MACROD2: variants seen among roughly 807,000 people sequenced by gnomAD.
MACROD2 encodes the protein mono-ADP ribosylhydrolase 2.
Under a neutral mutation model 70.4 loss-of-function variants are expected in MACROD2, and 36 were observed. That is an observed-to-expected ratio of 0.51 (90% CI 0.39 to 0.68). The LOEUF (loss-of-function observed/expected upper bound fraction) is 0.68. MACROD2 is among the 30% of genes least tolerant of loss of function. The pLI is 0.00. For synonymous variants in MACROD2, 172 were observed against 178.8 expected (o/e 0.96, Z 0.30); for missense variants, 496 against 538.4 (o/e 0.92, Z 0.78).
At chr20:14,885,065 T>C (rs1223359027) in intron 5 of MACROD2, among the ~76,000 whole-genome samples, 1 of 152,190 alleles carries the variant, frequency 6.6e-6, no homozygotes, top group Admixed American at 6.5e-5. Flanking sequence ...CAAAGCAAAC[T>C]TCTAAACTGA....
At position 15,780,653 on chromosome 20, in the gene MACROD2, G is replaced by T. The variant is rs533204210; in HGVS notation, c.646-82092G>T. ...CATTCTAACTATTGTTTGATGAATG[G>T]TGGTTGCTATAGGGCAAGGGGCAAA... is the stretch of plus-strand genomic sequence containing the variant. On this transcript the variant is annotated intron_variant, in intron 8 of 17. Coordinates refer to ENST00000684519, the MANE Select transcript of MACROD2 (RefSeq NM_001351661.2). Among the ~76,000 whole-genome samples the T allele has an allele frequency of 1.1e-4, 16 of 152,174 alleles. 1 individual carries two copies. Among genetic ancestry groups the T allele is most frequent in the Middle Eastern group, 3.4e-3 (1 of 294 alleles).
At chr20:14,168,754 C>T (rs1349677344) in intron 3 of MACROD2, among the ~76,000 whole-genome samples, 1 of 152,156 alleles carries the variant, frequency 6.6e-6, no homozygotes, top group African/African-American at 2.4e-5. Flanking sequence ...GGTGGATTCA[C>T]AGCTGAATTC....
intron 5 of MACROD2, chr20:14,895,055 A>G (rs943010786): frequency 2.6e-5 from 4 of 152,188 alleles, no homozygotes; most frequent in African/African-American, 7.2e-5. Flanking sequence ...AGATTTAGAC[A>G]TGGTGATTTA....
intron 12 of MACROD2, among the ~76,000 whole-genome samples, chr20:15,953,272 C>T (rs564865622): frequency 2.6e-5 from 4 of 151,880 alleles, no homozygotes; most frequent in South Asian, 4.2e-4. Context: ...ATAACTAGAT[C>T]GAAGAAATAA....
chr20:14,177,385 C>T (rs758681947), intron 3 of MACROD2, among the ~76,000 whole-genome samples: 5 of 148,118 alleles, frequency 3.4e-5, no homozygotes, highest in Non-Finnish European at 7.4e-5. Flanking sequence ...GGCACTATCT[C>T]GGCTCACTGC....
At chr20:15,379,966 A>G (rs1243805900) in intron 6 of MACROD2, among the ~76,000 whole-genome samples, 1 of 152,168 alleles carries the variant, frequency 6.6e-6, no homozygotes, top group Non-Finnish European at 1.5e-5. Context: ...AGGATTCACC[A>G]TACTCAAAGT....
intron 3 of MACROD2, among the ~76,000 whole-genome samples, chr20:14,305,563 A>G (rs2082512962): frequency 6.6e-6 from 1 of 152,156 alleles, no homozygotes; most frequent in African/African-American, 2.4e-5. Context: ...GGTTTAGTTC[A>G]CTGCCATAGT....
intron 6 of MACROD2, among the ~76,000 whole-genome samples, chr20:15,378,349 G>A (rs1007581527): frequency 4.0e-5 from 6 of 151,470 alleles, no homozygotes; most frequent in African/African-American, 1.2e-4. Context: ...GTAGAGGGCA[G>A]CATCAGTAAT....
chr20:14,430,457 C>T (rs748324045), intron 3 of MACROD2, among the ~76,000 whole-genome samples: 1 of 151,964 alleles, frequency 6.6e-6, no homozygotes, highest in Non-Finnish European at 1.5e-5. Context: ...ATTTAGCAAT[C>T]GGTTTGATAT....
At chr20:15,074,473 T>C (rs889610093) in intron 5 of MACROD2, among the ~76,000 whole-genome samples, 15 of 152,182 alleles carry the variant, frequency 9.9e-5, no homozygotes, top group Non-Finnish European at 2.1e-4. Context: ...TCTTTTGTAA[T>C]GTCCTATAAA....
At chr20:14,395,879 A>G (rs2083575041) in intron 3 of MACROD2, among the ~76,000 whole-genome samples, 1 of 152,120 alleles carries the variant, frequency 6.6e-6, no homozygotes, top group African/African-American at 2.4e-5. Context: ...GTTTCCAAAT[A>G]TTTGAGGATT....
chr20:15,674,041 A>G (rs1401666354), intron 8 of MACROD2, among the ~76,000 whole-genome samples: 1 of 152,226 alleles, frequency 6.6e-6, no homozygotes, highest in Non-Finnish European at 1.5e-5. Flanking sequence ...GTGCGTATGA[A>G]TCATCTATAG....
At chr20:15,862,358 CA>C (rs1395487948) in intron 8 of MACROD2, among the ~76,000 whole-genome samples, 9 of 152,280 alleles carry the variant, frequency 5.9e-5, no homozygotes, top group African/African-American at 2.2e-4. Context: ...TGTTTACTGA[CA>C]TACTTTATTG....
At chr20:15,660,880 G>A (rs966959450) in intron 8 of MACROD2, among the ~76,000 whole-genome samples, 1 of 152,050 alleles carries the variant, frequency 6.6e-6, no homozygotes, top group East Asian at 1.9e-4. Context: ...CCTTTAGTTT[G>A]TAAATTTTTT....
chr20:14,434,489 T>C (rs1192234836), intron 3 of MACROD2, among the ~76,000 whole-genome samples: 1 of 152,124 alleles, frequency 6.6e-6, no homozygotes, highest in Non-Finnish European at 1.5e-5. Flanking sequence ...TTTTGGCACC[T>C]GATGCCCTTG....
At chr20:14,465,218 C>A (rs1029392358) in intron 3 of MACROD2, among the ~76,000 whole-genome samples, 7 of 152,004 alleles carry the variant, frequency 4.6e-5, no homozygotes, top group Non-Finnish European at 1.0e-4. Context: ...TCTGGGTGCT[C>A]CTGTATTGGG....
Position 15,790,193 on chromosome 20 carries a change from C to T in MACROD2, c.646-72552C>T, listed in dbSNP as rs556969939. Reference sequence around the variant, plus strand: ...AATCGTACTACTGTTGGGGCCAAAACATTAAATGTTAGCCAAATGAATGGT... The same window carrying T: ...AATCGTACTACTGTTGGGGCCAAAATATTAAATGTTAGCCAAATGAATGGT... On this transcript the variant is annotated intron_variant, in intron 8 of 17. Transcript: ENST00000684519. 2.0e-4 allele frequency among the ~76,000 whole-genome samples: 30 copies of T among 152,014 alleles called. No individual in the cohort carries two copies. The South Asian group carries it at 6.2e-3, about 31-fold the overall frequency.
intron 6 of MACROD2, among the ~76,000 whole-genome samples, chr20:15,324,529 G>A (rs2077907135): frequency 1.3e-5 from 2 of 152,082 alleles, no homozygotes; most frequent in African/African-American, 4.8e-5. Flanking sequence ...CTCTTTGATG[G>A]CATAGACCCT....
chr20:15,730,128 A>T (rs1284728417), intron 8 of MACROD2, among the ~76,000 whole-genome samples: 1 of 152,106 alleles, frequency 6.6e-6, no homozygotes, highest in African/African-American at 2.4e-5. Context: ...ATGTCCAGCC[A>T]CTGGGTCATG....
Sources: gnomAD v4.1 joint callset for allele counts (sites outside exome capture counted in the v4.1 genomes callset) on GRCh38, gnomAD v4.1.1 for gene constraint, MANE v1.5 for transcripts, NCBI Gene and HGNC (gene_info 2026-07-23, HGNC 2026-07-21) for gene names.